COL25A1: variants seen among roughly 807,000 people sequenced by gnomAD.
COL25A1 encodes the protein collagen type XXV alpha 1 chain.
In COL25A1, 103 loss-of-function variants were observed where a neutral mutation model predicts 128.4. The ratio of observed to expected loss-of-function variants is 0.80; its 90% confidence interval spans 0.68 to 0.94. The LOEUF (loss-of-function observed/expected upper bound fraction) is 0.94. Ranked by LOEUF, COL25A1 falls within the 40% of genes least tolerant of loss-of-function variation. COL25A1 has a pLI of 0.00. For synonymous variants in COL25A1, 279 were observed against 277.2 expected (o/e 1.01, Z -0.06); for missense variants, 745 against 840.0 (o/e 0.89, Z 1.40).
chr4:109,133,767 C>G (rs1326491664), intron 3 of COL25A1, among the ~76,000 whole-genome samples: 1 of 152,032 alleles, frequency 6.6e-6, no homozygotes, highest in East Asian at 1.9e-4. Flanking sequence ...TATTAAGTCT[C>G]CTTTTTCTTT....
chr4:108,904,844 C>CAATTA, intron 13 of COL25A1, among the ~76,000 whole-genome samples: 1 of 152,132 alleles, frequency 6.6e-6, no homozygotes, highest in East Asian at 1.9e-4. Context: ...TCCAAAATGG[C>CAATTA]CATTTCCATT....
chr4:109,188,530 G>A (rs1171761106), intron 3 of COL25A1, among the ~76,000 whole-genome samples: 1 of 152,126 alleles, frequency 6.6e-6, no homozygotes, highest in Non-Finnish European at 1.5e-5. Context: ...AAGCCTATTA[G>A]ATGTGAAAAA....
chr4:109,271,997 G>A (rs1405075668), intron 3 of COL25A1, among the ~76,000 whole-genome samples: 2 of 152,122 alleles, frequency 1.3e-5, no homozygotes, highest in South Asian at 2.1e-4. Context: ...CTAGCACTTT[G>A]GGAGGCTGAG....
intron 18 of COL25A1, among the ~76,000 whole-genome samples, chr4:108,885,591 T>A (rs1462546371): frequency 1.3e-5 from 2 of 152,220 alleles, no homozygotes; most frequent in East Asian, 3.8e-4. Context: ...ATTATATATT[T>A]GATCTTCTTT....
At chr4:109,140,184 AC>A (rs1429753765) in intron 3 of COL25A1, among the ~76,000 whole-genome samples, 1 of 152,154 alleles carries the variant, frequency 6.6e-6, no homozygotes, top group Non-Finnish European at 1.5e-5. Flanking sequence ...TTGGGTATAT[AC>A]CCAGTAATGG....
At chr4:109,170,167 A>G (rs750879352) in intron 3 of COL25A1, among the ~76,000 whole-genome samples, 1 of 152,190 alleles carries the variant, frequency 6.6e-6, no homozygotes, top group Non-Finnish European at 1.5e-5. Context: ...GGAGAAAATT[A>G]AACAGTATTC....
At chr4:108,848,509 A>T (rs1489874844) in intron 27 of COL25A1, among the ~76,000 whole-genome samples, 1 of 152,182 alleles carries the variant, frequency 6.6e-6, no homozygotes, top group Non-Finnish European at 1.5e-5. Flanking sequence ...GTCTATTAAA[A>T]ATTTGCAGGG....
At chr4:109,258,986 T>C (rs1042961904) in intron 3 of COL25A1, among the ~76,000 whole-genome samples, 2 of 152,232 alleles carry the variant, frequency 1.3e-5, no homozygotes, top group Admixed American at 6.5e-5. Flanking sequence ...TATTAATTTA[T>C]TGTTAGTAAA....
chr4:109,279,496 G>A (rs1181830354), intron 3 of COL25A1, among the ~76,000 whole-genome samples: 2 of 152,008 alleles, frequency 1.3e-5, no homozygotes, highest in East Asian at 1.9e-4. Context: ...GAATCGCTTG[G>A]GTCCAGGATT....
intron 3 of COL25A1, among the ~76,000 whole-genome samples, chr4:109,180,677 A>G (rs1245487393): frequency 6.6e-6 from 1 of 152,074 alleles, no homozygotes; most frequent in Non-Finnish European, 1.5e-5. Flanking sequence ...TATAATATCC[A>G]TTAAGTTTAT....
chr4:108,984,771 G>A (rs1477147156), intron 6 of COL25A1, among the ~76,000 whole-genome samples: 4 of 152,228 alleles, frequency 2.6e-5, no homozygotes, highest in Non-Finnish European at 5.9e-5. Context: ...AGCCGGCTCC[G>A]GCCTTGGCCA....
chr4:108,966,945 G>A (rs974661747), intron 8 of COL25A1, among the ~76,000 whole-genome samples: 1 of 119,060 alleles, frequency 8.4e-6, no homozygotes, highest in African/African-American at 2.8e-5. Context: ...AGAAAGAGAG[G>A]AAAGAAAGAA....
chr4:109,115,832 T>C (rs530495194), intron 3 of COL25A1, among the ~76,000 whole-genome samples: 44 of 151,988 alleles, frequency 2.9e-4, no homozygotes, highest in African/African-American at 8.7e-4. Context: ...GAGCACGAGA[T>C]GGAGAGAAGC....
At chr4:108,870,837 T>C (rs1738619982) in intron 19 of COL25A1, among the ~76,000 whole-genome samples, 1 of 152,224 alleles carries the variant, frequency 6.6e-6, no homozygotes, top group African/African-American at 2.4e-5. Context: ...GGAAATGTAA[T>C]GCAAGTTAAT....
chr4:108,900,843 T>A (rs994108516), intron 14 of COL25A1, among the ~76,000 whole-genome samples: 1 of 152,140 alleles, frequency 6.6e-6, no homozygotes, highest in African/African-American at 2.4e-5. Flanking sequence ...ACAGCCATAT[T>A]GGAAACATAG....
intron 3 of COL25A1, among the ~76,000 whole-genome samples, chr4:109,120,517 C>T (rs553566830): frequency 6.2e-4 from 94 of 152,068 alleles, no homozygotes; most frequent in Non-Finnish European, 9.7e-4. Flanking sequence ...AAATTGAAAA[C>T]ACATTACCAA....
intron 19 of COL25A1, among the ~76,000 whole-genome samples, chr4:108,877,486 T>C (rs72668345): frequency 0.098 from 14,961 of 152,200 alleles, 946 homozygotes; most frequent in Non-Finnish European, 0.14. Context: ...ACAGAAGATT[T>C]AGCTATAGGA....
chr4:109,260,171 G>A (rs141759366), intron 3 of COL25A1, among the ~76,000 whole-genome samples: 1 of 152,182 alleles, frequency 6.6e-6, no homozygotes, highest in Non-Finnish European at 1.5e-5. Context: ...TTCTTTGCCA[G>A]ATATCATATT....
At chr4:109,235,973 A>G (rs1779452198) in intron 3 of COL25A1, among the ~76,000 whole-genome samples, 1 of 152,136 alleles carries the variant, frequency 6.6e-6, no homozygotes, top group South Asian at 2.1e-4. Flanking sequence ...CACACCCCAT[A>G]GTAATTAGGC....
Sources: gnomAD v4.1 joint callset for allele counts (sites outside exome capture counted in the v4.1 genomes callset) on GRCh38, gnomAD v4.1.1 for gene constraint, MANE v1.5 for transcripts, NCBI Gene and HGNC (gene_info 2026-07-23, HGNC 2026-07-21) for gene names.